Variants in SLC9A3 observed in about 807,000 individuals in gnomAD.
SLC9A3 encodes sodium/hydrogen exchanger 3.
SLC9A3 carries 37 observed loss-of-function variants against 86.8 expected under a neutral mutation model. The ratio of observed to expected loss-of-function variants is 0.43; its 90% CI spans 0.33 to 0.56. SLC9A3 has a LOEUF of 0.56. Among genes scored for constraint, SLC9A3 ranks in the 20% least tolerant of loss-of-function variants. SLC9A3 has a pLI of 0.06. For missense variants in SLC9A3, 1,011 were observed against 1,171.9 expected (o/e 0.86, Z 2.00); for synonymous variants, 581 against 528.3 (o/e 1.10, Z -1.37).
chr5:473,574 G>C (rs1370205844), intron 16 of SLC9A3, among the ~76,000 whole-genome samples, 192 bp from the exon 17 acceptor site: 4 of 152,094 alleles, frequency 2.6e-5, no homozygotes, highest in African/African-American at 9.7e-5. Flanking sequence ...AGCAGCAACA[G>C]CGAAGCCCCA....
intron 1 of SLC9A3, among the ~76,000 whole-genome samples, chr5:502,442 C>G (rs577710943): frequency 2.0e-5 from 3 of 152,374 alleles, no homozygotes; most frequent in South Asian, 2.1e-4. Flanking sequence ...CTTCAGCTAC[C>G]GCAGACCCAG....
In SLC9A3 at chr5:496,462, G is replaced by A. The variant is rs9885589; in HGVS notation, c.212-4391C>T. Among the ~76,000 whole-genome samples, 54,742 of 152,110 alleles carry A rather than the reference G, an allele frequency of 0.36. 10,291 individuals are homozygous for A. Among genetic ancestry groups the A allele is most frequent in the Middle Eastern group, 0.51 (151 of 294 alleles). On this transcript the variant is annotated intron_variant, in intron 1 of 16. Coordinates refer to ENST00000264938, the MANE Select transcript of SLC9A3 (RefSeq NM_004174.4). This position sits in a 1 kb window ranked among gnomAD's most constrained non-coding sequence, Gnocchi z 4.7. ...TGTGAAAGTGTCGGCTTGCTCCCCT[G>A]CCGGGCACTGATCCTTTCCTATTGA...
chr5:476,292 C>A lies in SLC9A3; in HGVS notation c.1977G>T (p.Lys659Asn), dbSNP rs201741190. Residue 659 changes from lysine (K) to asparagine (N), a missense_variant, in exon 13 of 17, where the codon AAG (lysine) becomes AAT (asparagine). By Grantham distance (94) the Lys-to-Asn change is moderately conservative. Transcript: ENST00000264938. The stretch of plus-strand genomic sequence containing the variant: ...TGGTCGACTTGAAGGACTCCAGGCG[C>A]TTCCGCATGGTCCTGTGGAAGATTT... ...DREIFHRTMR[K>N]RLESFKSTKL... is the part of the protein sequence containing the mutation. The A allele has an allele frequency of 6.2e-7, 1 of 1,613,990 alleles. No individual in the cohort carries two copies. Among genetic ancestry groups the A allele is most frequent in the African/African-American group, 1.3e-5 (1 of 75,062 alleles).
chr5:519,036 T>C (rs1340782745), intron 1 of SLC9A3, among the ~76,000 whole-genome samples: 2 of 152,190 alleles, frequency 1.3e-5, no homozygotes, highest in Admixed American at 6.5e-5. Flanking sequence ...GATTGTTTTA[T>C]AGCCTACAGC....
intron 9 of SLC9A3, among the ~76,000 whole-genome samples, chr5:481,251 C>G (rs1739145733): frequency 6.6e-6 from 1 of 152,204 alleles, no homozygotes; most frequent in East Asian, 1.9e-4. Flanking sequence ...ATCTATTTGC[C>G]TTATTTTCAA....
chr5:517,673 T>C (rs1402424256), intron 1 of SLC9A3, among the ~76,000 whole-genome samples: 3 of 149,836 alleles, frequency 2.0e-5, no homozygotes, highest in African/African-American at 7.4e-5. Context: ...CATCCATCTA[T>C]CCATCCATCC....
At chr5:511,463 C>G (rs374412341) in intron 1 of SLC9A3, among the ~76,000 whole-genome samples, 51 of 152,302 alleles carry the variant, frequency 3.3e-4, no homozygotes, top group African/African-American at 1.2e-3. Context: ...AAATAAACAA[C>G]CCAGTGAGAA....
At chr5:488,109 G>C (rs2126625782) in intron 3 of SLC9A3, among the ~76,000 whole-genome samples, 1 of 152,368 alleles carries the variant, frequency 6.6e-6, no homozygotes, top group East Asian at 1.9e-4. Context: ...GCAGGGCCTG[G>C]GAACTGTGGA....
chr5:491,727 C>A lies in SLC9A3; in HGVS notation c.514+42G>T. ...TGAGGCAGCGCCGCCCCTCCCGGAC[C>A]CCACCCTGATCCCGGCCGGGGCAAC... is the stretch of plus-strand genomic sequence containing the variant. On this transcript the variant is annotated intron_variant, in intron 2 of 16. Coordinates refer to ENST00000264938, the MANE Select transcript of SLC9A3 (RefSeq NM_004174.4). This position sits in a 1 kb window ranked among gnomAD's most constrained non-coding sequence, Gnocchi z 9.2. 6.8e-6 allele frequency: 10 copies of A among 1,474,490 alleles called. No individual in the cohort carries two copies. The highest frequency in any genetic ancestry group is 9.1e-6 in the Non-Finnish European group (10 of 1,100,420). The allele number at this position is 1,474,490 out of a possible 1,614,324, so 91.3% of individuals were successfully genotyped here.
intron 1 of SLC9A3, among the ~76,000 whole-genome samples, chr5:501,915 G>A (rs1477825308): frequency 6.6e-6 from 1 of 152,230 alleles, no homozygotes; most frequent in Non-Finnish European, 1.5e-5. Context: ...GCTCCCGGGG[G>A]CCACGCAGGA....
chr5:471,510 A>T lies in SLC9A3; in HGVS notation c.*1869T>A, dbSNP rs143786751. ...AGATGGGACAAACTGGGGGCCTGTC[A>T]GAACAGCCACTTGTGCCGGGAAGGC... is the stretch of plus-strand genomic sequence containing the variant. On this transcript the variant is annotated 3_prime_UTR_variant, in exon 17 of 17. Coordinates refer to ENST00000264938, the MANE Select transcript of SLC9A3 (RefSeq NM_004174.4). 1.2e-5 allele frequency: 4 copies of T among 344,730 alleles called. No homozygotes were observed. Among genetic ancestry groups the T allele is most frequent in the Non-Finnish European group, 2.3e-5 (4 of 174,286 alleles). 21.4% of individuals were successfully genotyped at this position (344,730 alleles called of 1,614,324 possible). A position where few individuals can be genotyped will look rare whatever the true frequency, so the allele number is the denominator to read the frequency against.
At chr5:478,453 G>GC (rs2126609389) in intron 10 of SLC9A3, 1 of 34,790 alleles carries the variant, frequency 2.9e-5, no homozygotes, top group South Asian at 5.9e-4. Flanking sequence ...CCCTGCCGTG[G>GC]GGTGGGGGGG....
intron 4 of SLC9A3, 75 bp from the exon 5 acceptor site, chr5:484,772 G>T: frequency 6.8e-7 from 1 of 1,468,332 alleles, no homozygotes; most frequent in Non-Finnish European, 9.4e-7. Flanking sequence ...TGGTGACCCC[G>T]CGGAAGTGCC....
At position 475,579 on chromosome 5, in the gene SLC9A3, C is replaced by T. The variant is rs1404043715; in HGVS notation, c.2233G>A (p.Ala745Thr). Residue 745 changes from alanine (A) to threonine (T), a missense_variant, in exon 15 of 17, where the codon GCG becomes ACG. This residue lies in a region of SLC9A3 where 397 missense variants were observed against 346.3 expected (regional missense o/e 1.15). Transcript: ENST00000264938. ...TCCCCACCTGCAGGGGAGTCGGACG[C>T]TGTGTCCTTGGTGACACTAGCCAGG... ...EFLASVTKDT[A>T]SDSPAGIDNP... 3.2e-6 allele frequency: 5 copies of T among 1,549,832 alleles called. No individual in the cohort carries two copies. The highest frequency in any genetic ancestry group is 1.4e-5 in the African/African-American group (1 of 73,058).
At position 497,599 on chromosome 5, in the gene SLC9A3, T is replaced by C. The variant is rs1740080540; in HGVS notation, c.212-5528A>G. 4.6e-5 allele frequency among the ~76,000 whole-genome samples: 7 copies of C among 152,232 alleles called. No homozygotes were observed. The stretch of plus-strand genomic sequence containing the variant: ...AGGATATCTCTTAACACAATTGTTC[T>C]ATTCTTTGGTTATTCCTCCACTTCA... On this transcript the variant is annotated intron_variant, in intron 1 of 16. Transcript: ENST00000264938. The surrounding 1 kb of genome is among the most constrained non-coding windows in gnomAD (Gnocchi z 5.4).
At chr5:499,256 G>A (rs747002003) in intron 1 of SLC9A3, among the ~76,000 whole-genome samples, 24 of 152,250 alleles carry the variant, frequency 1.6e-4, no homozygotes, top group Non-Finnish European at 3.1e-4. Flanking sequence ...TAGTAGTTTG[G>A]CAATTAAGCA....
intron 1 of SLC9A3, among the ~76,000 whole-genome samples, chr5:513,163 G>A (rs532763265): frequency 6.6e-6 from 1 of 152,266 alleles, no homozygotes; most frequent in East Asian, 1.9e-4. Flanking sequence ...CCACTGAGAT[G>A]CCAGCTGCTG....
At chr5:502,672 C>A (rs1579808800) in intron 1 of SLC9A3, among the ~76,000 whole-genome samples, 1 of 152,210 alleles carries the variant, frequency 6.6e-6, no homozygotes, top group Non-Finnish European at 1.5e-5. Flanking sequence ...TTAAAAAGGA[C>A]AAGCCGCAGC....
chr5:518,764 C>T (rs1294465284), intron 1 of SLC9A3, among the ~76,000 whole-genome samples: 1 of 152,190 alleles, frequency 6.6e-6, no homozygotes, highest in African/African-American at 2.4e-5. Flanking sequence ...AGACAGGCAT[C>T]TTAACAAGCC....
Sources: gnomAD v4.1 joint callset for allele counts (sites outside exome capture counted in the v4.1 genomes callset) on GRCh38, gnomAD v4.1.1 for gene constraint, gnomAD v4.1.1 regional missense constraint, Gnocchi (gnomAD v3.1) non-coding constraint, MANE v1.5 for transcripts, NCBI Gene and HGNC (gene_info 2026-07-23, HGNC 2026-07-21) for gene names.